The following CEACAM20 variants were observed in gnomAD, a reference collection of about 807,000 sequenced individuals.
The protein encoded by CEACAM20 is cell adhesion molecule CEACAM20.
CEACAM20 carries 50 observed loss-of-function variants against 61.2 expected under a neutral mutation model. The observed-to-expected ratio is 0.82, with a 90% CI of 0.65 to 1.03. The LOEUF (loss-of-function observed/expected upper bound fraction) is 1.03, where lower values mean the gene tolerates loss of function less well. Among genes scored for constraint, CEACAM20 ranks in the 50% least tolerant of loss-of-function variants. The pLI is 0.00. For synonymous variants in CEACAM20, 282 were observed against 287.7 expected (o/e 0.98, Z 0.20); for missense variants, 683 against 736.4 (o/e 0.93, Z 0.84).
Position 44,516,971 on chromosome 19 carries a change from G to C in CEACAM20, c.1284C>G (p.Ser428=), listed in dbSNP as rs1197032636. The change falls in exon 6 of 12, where the codon TCC becomes TCG. Residue 428 remains serine, a synonymous_variant. Transcript: ENST00000614924. ...CTACCACCTTGACCAGGACTGAAGT[G>C]GAGCGGGCCAGGCCAGTGAGAGAGT... ...ASNSLTGLAR[S]TSVLVKVVGP... is the part of the protein sequence containing the mutation. 6.3e-7 allele frequency: 1 copy of C among 1,599,338 alleles called. No homozygotes were observed. The highest frequency in any genetic ancestry group is 8.5e-7 in the Non-Finnish European group (1 of 1,173,446).
chr19:44,520,225 G>A (rs1381525022), intron 5 of CEACAM20, among the ~76,000 whole-genome samples: 1 of 152,124 alleles, frequency 6.6e-6, no homozygotes, highest in Non-Finnish European at 1.5e-5. Context: ...AAAGGCCAGT[G>A]AGACCCTGTG....
intron 1 of CEACAM20, among the ~76,000 whole-genome samples, chr19:44,528,004 C>T (rs1294464173): frequency 6.6e-6 from 1 of 152,114 alleles, no homozygotes; most frequent in Non-Finnish European, 1.5e-5. Context: ...GTCTGAATCT[C>T]TGTGATACTC....
rs112984873 is a variant in CEACAM20, at chr19:44,520,850, G to A, written c.752-98C>T. The A allele has an allele frequency of 3.9e-5, 24 of 611,002 alleles. 1 individual carries two copies. In the Admixed American group the frequency reaches 1.3e-3, roughly 34 times the overall value. The allele number at this position is 611,002 out of a possible 1,614,324, so 37.8% of individuals were successfully genotyped here. A position where few individuals can be genotyped will look rare whatever the true frequency, so the allele number is the denominator to read the frequency against. On this transcript the variant is annotated intron_variant, in intron 4 of 11. Transcript: ENST00000614924. ...AGTTTTTCCAGGAGTGCGTGCGTGT[G>A]TGTGTGTGTGTGTGTGTGTTACAGG...
At chr19:44,515,506 C>T (rs1168447414) in intron 6 of CEACAM20, among the ~76,000 whole-genome samples, 8 of 152,134 alleles carry the variant, frequency 5.3e-5, no homozygotes, top group Admixed American at 5.2e-4. Context: ...TGGTTTCAAA[C>T]CCCAATGACA....
chr19:44,511,127 C>T lies in CEACAM20; in HGVS notation c.1640G>A (p.Gly547Asp), dbSNP rs776151648. The change falls in exon 11 of 12, where the codon GGC becomes GAC. Residue 547 changes from glycine (G) to aspartate (D), a missense_variant. Physicochemically the swap from Gly to Asp is moderately conservative, Grantham distance 94 (BLOSUM62 -1). Transcript: ENST00000614924. ...ETKLPSASRR[G>D]NSFSPWKPPP... ...TGGCTTCCAGGGGCTGAAAGAATTG[C>T]CTCTACGGCTTGCTGAAGGCAGCTT... 2.8e-5 allele frequency: 45 copies of T among 1,613,800 alleles called. 1 individual carries two copies. The highest frequency in any genetic ancestry group is 9.3e-5 in the African/African-American group (7 of 74,928).
Position 44,522,628 on chromosome 19 carries a change from A to C in CEACAM20, c.751+6T>G. On this transcript the variant is annotated splice_donor_region_variant and intron_variant, in intron 4 of 11. Transcript: ENST00000614924. ...TGAAGGAGAGGAACCGGGAAAGGAG[A>C]CTCACCAAGTACTCGGACCTTCAGA... 1 of 1,609,626 alleles carries C rather than the reference A, an allele frequency of 6.2e-7. No individual in the cohort carries two copies. Among genetic ancestry groups the C allele is most frequent in the African/African-American group, 1.3e-5 (1 of 74,904 alleles).
At chr19:44,527,428 CCTAT>C (rs1240155644) in intron 1 of CEACAM20, among the ~76,000 whole-genome samples, 2 of 152,064 alleles carry the variant, frequency 1.3e-5, no homozygotes, top group East Asian at 1.9e-4. Context: ...AGTGATGTTC[CCTAT>C]CTGAGCCTCA....
chr19:44,513,347 G>T, intron 6 of CEACAM20, 58 bp from the exon 7 acceptor site: 4 of 1,172,572 alleles, frequency 3.4e-6, no homozygotes, highest in Non-Finnish European at 5.0e-6. Context: ...CCTGCTCCCA[G>T]CCCGTTCCCA....
In CEACAM20 at chr19:44,520,631, G is replaced by A; in HGVS notation, c.873C>T (p.Gly291=). ...QSVNVQWFLS[G]QPLLPSEHLQ... ...GGTGCTCACTGGGCAGGAGGGGCTGGCCACTTAGGAACCACTGGACATTCA... is the reference window on the plus strand; with the variant it reads ...GGTGCTCACTGGGCAGGAGGGGCTGACCACTTAGGAACCACTGGACATTCA... Residue 291 remains glycine (G), a synonymous_variant, in exon 5 of 12, where the codon GGC becomes GGT. Transcript: ENST00000614924. 3 of 1,614,020 alleles carry A rather than the reference G, an allele frequency of 1.9e-6. No homozygotes were observed. Among genetic ancestry groups the A allele is most frequent in the Non-Finnish European group, 2.5e-6 (3 of 1,179,888 alleles).
At chr19:44,521,525 T>TTG (rs917446805) in intron 4 of CEACAM20, among the ~76,000 whole-genome samples, 1 of 152,056 alleles carries the variant, frequency 6.6e-6, no homozygotes, top group Non-Finnish European at 1.5e-5. Context: ...TGTGAGCATT[T>TTG]TGTGTGTGTG....
At chr19:44,515,864 G>C (rs139382056) in intron 6 of CEACAM20, among the ~76,000 whole-genome samples, 90 of 152,236 alleles carry the variant, frequency 5.9e-4, no homozygotes, top group African/African-American at 2.1e-3. Flanking sequence ...CAGCTTCTCA[G>C]GATGCTGAGG....
chr19:44,512,422 A>G (rs1358081534), intron 8 of CEACAM20, among the ~76,000 whole-genome samples: 1 of 152,166 alleles, frequency 6.6e-6, no homozygotes, highest in Non-Finnish European at 1.5e-5. Flanking sequence ...TCCATATCAA[A>G]AGGCCTATCC....
Position 44,520,476 on chromosome 19 carries a change from TTGA to T in CEACAM20, c.1025_1027del (p.Ile342del). On this transcript the variant is annotated inframe_deletion, in exon 5 of 12. Transcript: ENST00000614924. ...GGTCCAGGCCCTGGGTGACTCACAG[TTGA>T]TGGTCAGCTCAAGGGGCTCACTCCG... 1 of 1,611,808 alleles carries T rather than the reference TTGA, an allele frequency of 6.2e-7. No individual in the cohort carries two copies. The highest frequency in any genetic ancestry group is 8.5e-7 in the Non-Finnish European group (1 of 1,178,988).
At position 44,523,980 on chromosome 19, in the gene CEACAM20, A is replaced by G. The variant is rs180800932; in HGVS notation, c.472+6T>C. On this transcript the variant is annotated splice_donor_region_variant and intron_variant, in intron 3 of 11. Coordinates refer to ENST00000614924, the MANE Select transcript of CEACAM20 (RefSeq NM_001102597.3). The stretch of plus-strand genomic sequence containing the variant: ...GAGGGGTTGGAGAGAATGGAAAGGG[A>G]CTCACACTTCACATCCAGGAAGATG... 629 of 1,548,628 alleles carry G rather than the reference A, an allele frequency of 4.1e-4. 5 individuals are homozygous for G. The African/African-American group carries it at 7.6e-3, about 19-fold the overall frequency.
At chr19:44,511,706 G>A (rs1462824524) in intron 9 of CEACAM20, 34 bp from the exon 10 acceptor site, 2 of 1,608,280 alleles carry the variant, frequency 1.2e-6, no homozygotes, top group African/African-American at 2.7e-5. Context: ...GAGGTCATAG[G>A]GCTTGGAATA....
At chr19:44,510,577 AAAG>A (rs1970951539) in intron 11 of CEACAM20, among the ~76,000 whole-genome samples, 1 of 48,794 alleles carries the variant, frequency 2.0e-5, no homozygotes, top group South Asian at 1.1e-3. Context: ...AGAAAGAAAG[AAAG>A]AAAGAAAGAA....
At chr19:44,516,314 T>C (rs1445565283) in intron 6 of CEACAM20, among the ~76,000 whole-genome samples, 5 of 152,198 alleles carry the variant, frequency 3.3e-5, no homozygotes, top group Admixed American at 2.6e-4. Context: ...CTCTGAAAGA[T>C]AGGCATCACG....
At chr19:44,511,464 G>A (rs1264627071) in intron 10 of CEACAM20, among the ~76,000 whole-genome samples, 173 bp downstream of exon 10, 1 of 152,194 alleles carries the variant, frequency 6.6e-6, no homozygotes, top group Non-Finnish European at 1.5e-5. Context: ...CCAGGGTCAT[G>A]GCATCTGACC....
intron 1 of CEACAM20, among the ~76,000 whole-genome samples, chr19:44,525,656 T>C (rs549558460): frequency 3.3e-5 from 5 of 152,268 alleles, no homozygotes; most frequent in African/African-American, 1.2e-4. Flanking sequence ...TTGGCCAGGC[T>C]GGTCTCAAAC....
Sources: allele counts gnomAD v4.1 joint callset (sites outside exome capture counted in the v4.1 genomes callset), GRCh38; gene constraint gnomAD v4.1.1; transcripts MANE v1.5; gene names NCBI Gene and HGNC (gene_info 2026-07-23, HGNC 2026-07-21).